The following NRG3 variants were observed in gnomAD, a reference collection of about 807,000 sequenced individuals.
NRG3 encodes the protein pro-neuregulin-3, membrane-bound isoform.
In NRG3, 31 loss-of-function variants were observed where a neutral mutation model predicts 66.9. The observed-to-expected ratio is 0.46, with a 90% CI of 0.35 to 0.63. The LOEUF (loss-of-function observed/expected upper bound fraction) is 0.63, where lower values mean the gene tolerates loss of function less well. Ranked by LOEUF, NRG3 falls within the 20% of genes least tolerant of loss-of-function variation. The pLI is 0.00. For synonymous variants in NRG3, 393 were observed against 359.4 expected, an observed-to-expected ratio of 1.09 and a Z score of -1.06; for missense variants, 910 against 878.9, an observed-to-expected ratio of 1.04 and a Z score of -0.45.
intron 1 of NRG3, among the ~76,000 whole-genome samples, chr10:82,076,060 C>T (rs2065073506): frequency 2.6e-5 from 4 of 152,178 alleles, no homozygotes; most frequent in Admixed American, 2.6e-4. Flanking sequence ...ACATTGCATC[C>T]TGTTAAAGCT....
chr10:82,857,198 A>G (rs2063855061), intron 3 of NRG3, among the ~76,000 whole-genome samples: 1 of 152,208 alleles, frequency 6.6e-6, no homozygotes, highest in African/African-American at 2.4e-5. Context: ...AGTTTGCTGT[A>G]TACCAATATG....
intron 1 of NRG3, among the ~76,000 whole-genome samples, chr10:82,089,769 G>A (rs2065924451): frequency 6.6e-6 from 1 of 152,220 alleles, no homozygotes; most frequent in Non-Finnish European, 1.5e-5. Context: ...CAAAGTTGAA[G>A]ATGTGTAGAT....
chr10:82,492,256 T>A (rs541550379), intron 2 of NRG3, among the ~76,000 whole-genome samples: 2 of 152,360 alleles, frequency 1.3e-5, no homozygotes, highest in South Asian at 4.1e-4. Context: ...TACATGGTGA[T>A]CCTCACATTT....
chr10:82,648,026 A>G (rs1248495015), intron 2 of NRG3, among the ~76,000 whole-genome samples: 2 of 148,372 alleles, frequency 1.3e-5, no homozygotes, highest in Non-Finnish European at 3.0e-5. Flanking sequence ...CCATTTGTCA[A>G]TTTTGGCTTT....
intron 3 of NRG3, among the ~76,000 whole-genome samples, chr10:82,782,014 C>G (rs1218236490): frequency 6.6e-6 from 1 of 152,134 alleles, no homozygotes; most frequent in Non-Finnish European, 1.5e-5. Flanking sequence ...CATTGAGAAG[C>G]ACTTTCAGAT....
intron 1 of NRG3, among the ~76,000 whole-genome samples, chr10:81,919,000 TACAC>T (rs200180355): frequency 7.7e-6 from 1 of 129,588 alleles, no homozygotes; most frequent in Non-Finnish European, 1.6e-5. Context: ...CACACATACA[TACAC>T]ACACACACAC....
At chr10:82,859,474 T>C (rs971062489) in intron 3 of NRG3, among the ~76,000 whole-genome samples, 2 of 152,184 alleles carry the variant, frequency 1.3e-5, no homozygotes, top group Non-Finnish European at 2.9e-5. Context: ...AAGTTAAAGG[T>C]GGCATCCTGA....
At chr10:82,956,305 C>A (rs1255921435) in intron 5 of NRG3, among the ~76,000 whole-genome samples, 2 of 151,982 alleles carry the variant, frequency 1.3e-5, no homozygotes, top group African/African-American at 4.9e-5. Context: ...AGGCATGCAT[C>A]TTTTCTTCCC....
At chr10:82,807,613 G>A (rs2061342360) in intron 3 of NRG3, among the ~76,000 whole-genome samples, 2 of 152,120 alleles carry the variant, frequency 1.3e-5, no homozygotes, top group Admixed American at 1.3e-4. Flanking sequence ...CATCATCTGG[G>A]AGCTTGTTAG....
chr10:82,249,909 A>G (rs2077407044), intron 1 of NRG3, among the ~76,000 whole-genome samples: 1 of 152,234 alleles, frequency 6.6e-6, no homozygotes, highest in Admixed American at 6.5e-5. Flanking sequence ...TGCAGTTTGC[A>G]CCCAAAAAGA....
At chr10:82,035,001 A>C (rs886761863) in intron 1 of NRG3, among the ~76,000 whole-genome samples, 2 of 152,116 alleles carry the variant, frequency 1.3e-5, no homozygotes, top group Non-Finnish European at 2.9e-5. Context: ...GAACAGACTT[A>C]AAGTGAATAT....
intron 1 of NRG3, among the ~76,000 whole-genome samples, chr10:82,233,959 T>C (rs2076630203): frequency 6.6e-6 from 1 of 152,156 alleles, no homozygotes; most frequent in Non-Finnish European, 1.5e-5. Context: ...GCTTTCATCT[T>C]ACCCCTTTTC....
intron 3 of NRG3, among the ~76,000 whole-genome samples, chr10:82,807,228 G>T (rs1001106164): frequency 1.3e-5 from 2 of 152,272 alleles, no homozygotes; most frequent in South Asian, 2.1e-4. Context: ...AAAGTGAAAT[G>T]ATATCTAATT....
At chr10:82,266,339 C>T (rs942983728) in intron 1 of NRG3, among the ~76,000 whole-genome samples, 5 of 151,910 alleles carry the variant, frequency 3.3e-5, no homozygotes, top group African/African-American at 1.2e-4. Flanking sequence ...TTGGAGAATG[C>T]GGGTGGTTAG....
At chr10:82,518,148 G>A (rs1004929435) in intron 2 of NRG3, among the ~76,000 whole-genome samples, 1 of 152,092 alleles carries the variant, frequency 6.6e-6, no homozygotes, top group Non-Finnish European at 1.5e-5. Flanking sequence ...GTAGACAAGA[G>A]GAGATAAAGT....
At chr10:82,140,803 T>C (rs1466537449) in intron 1 of NRG3, among the ~76,000 whole-genome samples, 1 of 152,068 alleles carries the variant, frequency 6.6e-6, no homozygotes. Context: ...TGGCACGAAG[T>C]TTCACACTTC....
At chr10:82,760,848 A>G (rs2059275496) in intron 3 of NRG3, among the ~76,000 whole-genome samples, 1 of 151,932 alleles carries the variant, frequency 6.6e-6, no homozygotes, top group African/African-American at 2.4e-5. Flanking sequence ...GTGTATGTAC[A>G]TGGCAATGGC....
chr10:81,986,885 T>A (rs2060541059), intron 1 of NRG3, among the ~76,000 whole-genome samples: 1 of 152,102 alleles, frequency 6.6e-6, no homozygotes, highest in African/African-American at 2.4e-5. Flanking sequence ...ACTCATTACA[T>A]TTCCCAGGCT....
At chr10:82,102,166 A>C (rs1372976907) in intron 1 of NRG3, among the ~76,000 whole-genome samples, 9 of 133,080 alleles carry the variant, frequency 6.8e-5, no homozygotes, top group Non-Finnish European at 1.3e-4. Flanking sequence ...ATATATATAT[A>C]TGAATGTAAT....
Sources: gnomAD v4.1 joint callset for allele counts (sites outside exome capture counted in the v4.1 genomes callset) on GRCh38, gnomAD v4.1.1 for gene constraint, MANE v1.5 for transcripts, NCBI Gene and HGNC (gene_info 2026-07-23, HGNC 2026-07-21) for gene names.